Variants in HPS3 observed in about 807,000 individuals in gnomAD.
HPS3 encodes BLOC-2 complex member HPS3.
Under a neutral mutation model 110.9 loss-of-function variants are expected in HPS3, and 79 were observed. That is an observed-to-expected ratio of 0.71 (90% CI 0.59 to 0.86). The LOEUF is 0.86. Among genes scored for constraint, HPS3 ranks in the 40% least tolerant of loss-of-function variants. The probability of loss-of-function intolerance (pLI) is 0.00; values close to 1 mark genes in which losing one functional copy is unlikely to be tolerated. For synonymous variants in HPS3, 428 were observed against 451.0 expected, an observed-to-expected ratio of 0.95 and a Z score of 0.65; for missense variants, 1,197 against 1,206.2, an observed-to-expected ratio of 0.99 and a Z score of 0.11.
intron 1 of HPS3, among the ~76,000 whole-genome samples, chr3:149,136,672 A>G (rs1052047799): frequency 2.6e-5 from 4 of 152,314 alleles, no homozygotes; most frequent in African/African-American, 9.6e-5. Context: ...GTGAGAGTTA[A>G]TTGAAGGAAC....
intron 2 of HPS3, 88 bp from the exon 3 acceptor site, chr3:149,140,929 A>G: frequency 1.6e-6 from 2 of 1,225,898 alleles, no homozygotes; most frequent in Non-Finnish European, 1.2e-6. Context: ...TTATAAATAA[A>G]TGAAATTACT....
At chr3:149,166,288 T>A (rs899907114) in intron 14 of HPS3, among the ~76,000 whole-genome samples, 3 of 152,216 alleles carry the variant, frequency 2.0e-5, no homozygotes, top group Admixed American at 2.0e-4. Context: ...ATCACTTTAG[T>A]CTTATTAAGT....
chr3:149,136,531 C>T (rs534467765), intron 1 of HPS3, among the ~76,000 whole-genome samples: 7 of 152,264 alleles, frequency 4.6e-5, no homozygotes, highest in African/African-American at 1.7e-4. Flanking sequence ...TTGAGCTAAC[C>T]AGATCTAGGT....
rs1421926305 is a variant in HPS3, at chr3:149,145,489, AT to A, written c.1107del (p.Pro370LeufsTer45). 20 of 1,614,052 alleles carry A rather than the reference AT, an allele frequency of 1.2e-5. No individual in the cohort carries two copies. Among genetic ancestry groups the A allele is most frequent in the Non-Finnish European group, 1.7e-5 (20 of 1,180,020 alleles). ...KSVELMSVYQ[Y>X]PEKSQQAVLT... ...GTTGAATTGATGTCAGTCTACCAGT[AT>A]CCTGAAAAGTCTCAGCAGGCAGTAC... On this transcript the variant is annotated frameshift_variant, in exon 5 of 17. Transcript: ENST00000296051. LOFTEE classifies it high-confidence loss of function.
intron 13 of HPS3, 64 bp downstream of exon 13, chr3:149,162,942 A>T: frequency 7.8e-7 from 1 of 1,279,048 alleles, no homozygotes; most frequent in Non-Finnish European, 1.1e-6. Context: ...AACATACCTT[A>T]TTTTTAATAA....
At chr3:149,154,649 A>G (rs1360582956) in intron 7 of HPS3, among the ~76,000 whole-genome samples, 3 of 152,380 alleles carry the variant, frequency 2.0e-5, no homozygotes, top group Middle Eastern at 3.4e-3. Context: ...AAGAGATAAG[A>G]TAGTGCTTTA....
intron 14 of HPS3, among the ~76,000 whole-genome samples, chr3:149,164,440 A>T (rs757507593): frequency 2.6e-5 from 4 of 152,222 alleles, no homozygotes; most frequent in Non-Finnish European, 5.9e-5. Flanking sequence ...GAGAATGTGG[A>T]TCATCCTTTA....
At chr3:149,150,107 T>C (rs550715519) in intron 5 of HPS3, among the ~76,000 whole-genome samples, 1 of 152,200 alleles carries the variant, frequency 6.6e-6, no homozygotes, top group Non-Finnish European at 1.5e-5. Context: ...ACCATTGGAT[T>C]TGAGTTTGCA....
chr3:149,135,558 G>A (rs188393722), intron 1 of HPS3, among the ~76,000 whole-genome samples: 5 of 152,306 alleles, frequency 3.3e-5, no homozygotes, highest in African/African-American at 1.2e-4. Context: ...GGTCCCCCCA[G>A]CCATGCAGAA....
Position 149,145,407 on chromosome 3 carries a change from C to A in HPS3, c.1024C>A (p.Leu342Ile). ...GTCTCAGGAAAAAGAATTGCTGAGT[C>A]TCTTTTGCTTTTTCTCCTTACCTCA... ...NLSQEKELLS[L>I]FCFFSLPHVG... Residue 342 changes from leucine (L) to isoleucine (I), a missense_variant, in exon 5 of 17, where the codon CTC becomes ATC. Leu to Ile is a conservative substitution (Grantham distance 5). Transcript: ENST00000296051. 1 of 1,614,052 alleles carries A rather than the reference C, an allele frequency of 6.2e-7. No homozygotes were observed. The highest frequency in any genetic ancestry group is 8.5e-7 in the Non-Finnish European group (1 of 1,179,962).
intron 9 of HPS3, among the ~76,000 whole-genome samples, chr3:149,158,261 T>C (rs1723576777): frequency 6.6e-6 from 1 of 152,250 alleles, no homozygotes; most frequent in South Asian, 2.1e-4. Flanking sequence ...CTTTTCCTCC[T>C]ATAAACACCA....
chr3:149,131,122 TA>T (rs57667789), intron 1 of HPS3, among the ~76,000 whole-genome samples: 25,285 of 138,668 alleles, frequency 0.18, 2,307 homozygotes, highest in African/African-American at 0.26. Flanking sequence ...GAGTTTATGT[TA>T]AAAAAAAAAA....
intron 15 of HPS3, 117 bp from the exon 16 acceptor site, chr3:149,167,776 C>A: frequency 1.4e-6 from 1 of 727,192 alleles, no homozygotes; most frequent in South Asian, 1.5e-5. Flanking sequence ...AGTTAGCTGC[C>A]TTAGACAAAA....
intron 8 of HPS3, 134 bp from the exon 9 acceptor site, chr3:149,157,216 C>T (rs1226039056): frequency 5.0e-6 from 4 of 807,412 alleles, no homozygotes; most frequent in Admixed American, 4.2e-5. Context: ...TGGTGAATAA[C>T]CATTTTGTTT....
At position 149,172,317 on chromosome 3, in the gene HPS3, AT is replaced by A. The variant is rs1278182214; in HGVS notation, c.*96del. The A allele has an allele frequency of 3.4e-5, 22 of 640,854 alleles. No homozygotes were observed. The highest frequency in any genetic ancestry group is 2.5e-4 in the African/African-American group (9 of 35,916). 39.7% of individuals were successfully genotyped at this position (640,854 alleles called of 1,614,324 possible). ...AGTAGAGGAGTTTTTTATTTTATAT[AT>A]CACACACACACACACACACACACAC... On this transcript the variant is annotated 3_prime_UTR_variant, in exon 17 of 17. Transcript: ENST00000296051.
At chr3:149,140,935 TTACTA>T (rs1722402097) in intron 2 of HPS3, 77 bp from the exon 3 acceptor site, 4 of 1,265,402 alleles carry the variant, frequency 3.2e-6, no homozygotes, top group African/African-American at 1.5e-5. Flanking sequence ...ATAAATGAAA[TTACTA>T]TATGTCTAAT....
chr3:149,147,120 T>C (rs1850892), intron 5 of HPS3, among the ~76,000 whole-genome samples: 1 of 151,912 alleles, frequency 6.6e-6, no homozygotes, highest in Non-Finnish European at 1.5e-5. Context: ...ATAATGGGGA[T>C]GTAGGAGGCA....
At chr3:149,130,286 C>G (rs7643410) in intron 1 of HPS3, 30,389 of 367,022 alleles carry the variant, frequency 0.083, 1,625 homozygotes, top group South Asian at 0.13. Flanking sequence ...CAAAGACTTA[C>G]CAAAAAAACA....
chr3:149,139,771 T>C (rs1345694665), intron 1 of HPS3, among the ~76,000 whole-genome samples: 1 of 152,196 alleles, frequency 6.6e-6, no homozygotes, highest in Non-Finnish European at 1.5e-5. Context: ...GTATGTTACA[T>C]GGGCAATTAA....
Sources: gnomAD v4.1 joint callset for allele counts (sites outside exome capture counted in the v4.1 genomes callset) on GRCh38, gnomAD v4.1.1 for gene constraint, MANE v1.5 for transcripts, NCBI Gene and HGNC (gene_info 2026-07-23, HGNC 2026-07-21) for gene names.